The following TSHR variants were observed in gnomAD, a reference collection of about 807,000 sequenced individuals.
The protein encoded by TSHR is thyrotropin receptor.
A neutral mutation model predicts 64.1 loss-of-function variants in TSHR; 51 were observed. That is an observed-to-expected ratio of 0.80 (90% CI 0.64 to 1.01). The LOEUF (loss-of-function observed/expected upper bound fraction) is 1.01. Among genes scored for constraint, TSHR ranks in the 50% least tolerant of loss-of-function variants. The pLI, the probability that TSHR is intolerant of heterozygous loss-of-function variation, is 0.00. For synonymous variants in TSHR, 361 were observed against 361.9 expected, an observed-to-expected ratio of 1.00 and a Z score of 0.03; for missense variants, 877 against 942.8, an observed-to-expected ratio of 0.93 and a Z score of 0.91.
At chr14:81,111,638 C>G (rs1890229192) in intron 8 of TSHR, among the ~76,000 whole-genome samples, 1 of 152,188 alleles carries the variant, frequency 6.6e-6, no homozygotes, top group African/African-American at 2.4e-5. Flanking sequence ...CTCCAACCTA[C>G]TTACACTGTT....
chr14:80,997,925 T>C (rs1889109051), intron 1 of TSHR, among the ~76,000 whole-genome samples: 1 of 152,176 alleles, frequency 6.6e-6, no homozygotes, highest in South Asian at 2.1e-4. Context: ...TGGATGAGAC[T>C]GTTTGTCTGA....
At chr14:81,066,797 A>AT (rs1485773185) in intron 2 of TSHR, among the ~76,000 whole-genome samples, 4 of 152,142 alleles carry the variant, frequency 2.6e-5, no homozygotes, top group Non-Finnish European at 5.9e-5. Context: ...AGGTAGTTTA[A>AT]TTGCATGTCC....
chr14:80,980,015 G>A (rs1302649632), intron 1 of TSHR, among the ~76,000 whole-genome samples: 1 of 152,116 alleles, frequency 6.6e-6, no homozygotes, highest in African/African-American at 2.4e-5. Flanking sequence ...AAGTCCCCGT[G>A]ATCTGGCCCT....
At position 81,144,430 on chromosome 14, in the gene TSHR, A is replaced by C; in HGVS notation, c.*77A>C. 2 of 1,404,464 alleles carry C rather than the reference A, an allele frequency of 1.4e-6. No individual in the cohort carries two copies. The highest frequency in any genetic ancestry group is 2.3e-5 in the South Asian group (2 of 85,280). The allele number at this position is 1,404,464 out of a possible 1,614,324, so 87.0% of individuals were successfully genotyped here. ...CTTGAATATGCATTCCAATCCCATG[A>C]CACCCCCAACACATAGCTGCCCTCA... is the stretch of plus-strand genomic sequence containing the variant. On this transcript the variant is annotated 3_prime_UTR_variant, in exon 10 of 10. Transcript: ENST00000298171.
At chr14:81,057,617 T>C (rs1250799617) in intron 1 of TSHR, among the ~76,000 whole-genome samples, 1 of 152,194 alleles carries the variant, frequency 6.6e-6, no homozygotes, top group Non-Finnish European at 1.5e-5. Context: ...TTCAGTGAAA[T>C]ATACTTGGTA....
Position 81,058,393 on chromosome 14 carries a change from T to G in TSHR, c.171-3755T>G, listed in dbSNP as rs541404936. 2.6e-5 allele frequency among the ~76,000 whole-genome samples: 4 copies of G among 152,344 alleles called. No homozygotes were observed. The South Asian group carries it at 8.3e-4, about 32-fold the overall frequency. Reference sequence around the variant, plus strand: ...AGCTTATATCTTTTCTCTCACATAATTTCTATATCTTGAAGCCAACTTCTT... The same window carrying G: ...AGCTTATATCTTTTCTCTCACATAAGTTCTATATCTTGAAGCCAACTTCTT... On this transcript the variant is annotated intron_variant, in intron 1 of 9. Transcript: ENST00000298171.
chr14:80,974,732 A>C lies in TSHR; in HGVS notation c.170+18882A>C, dbSNP rs557349453. ...GCACTTTATAGAAAGTATGTATTTC[A>C]TGACCAAAAAAATAGGGTGGCTTGG... On this transcript the variant is annotated intron_variant, in intron 1 of 9. Coordinates refer to ENST00000298171, the MANE Select transcript of TSHR (RefSeq NM_000369.5). Among the ~76,000 whole-genome samples the C allele has an allele frequency of 4.6e-5, 7 of 152,306 alleles. No individual in the cohort carries two copies. In the South Asian group the frequency reaches 1.0e-3, roughly 23 times the overall value.
At chr14:81,135,512 C>T (rs1440608635) in intron 8 of TSHR, among the ~76,000 whole-genome samples, 1 of 152,100 alleles carries the variant, frequency 6.6e-6, no homozygotes, top group Non-Finnish European at 1.5e-5. Flanking sequence ...CAGACCTAAA[C>T]TAAGGTGGTA....
At chr14:80,998,045 A>G (rs1889115117) in intron 1 of TSHR, among the ~76,000 whole-genome samples, 1 of 152,250 alleles carries the variant, frequency 6.6e-6, no homozygotes. Flanking sequence ...TTACATCATT[A>G]TGAACCACCC....
chr14:81,019,679 A>G (rs1883631844), intron 1 of TSHR, among the ~76,000 whole-genome samples: 2 of 149,456 alleles, frequency 1.3e-5, no homozygotes, highest in African/African-American at 2.5e-5. Flanking sequence ...CTTATTGTTC[A>G]ACTCCCACTT....
chr14:81,121,160 C>A (rs72691611), intron 8 of TSHR, among the ~76,000 whole-genome samples: 1 of 150,672 alleles, frequency 6.6e-6, no homozygotes, highest in African/African-American at 2.5e-5. Flanking sequence ...AAAAGACCCA[C>A]GGAGAACCCA....
intron 1 of TSHR, among the ~76,000 whole-genome samples, chr14:81,006,571 G>C (rs117917762): frequency 0.12 from 18,165 of 151,900 alleles, 1,386 homozygotes; most frequent in East Asian, 0.38. Flanking sequence ...AGAGCGCAGT[G>C]GTGCAATCTT....
At chr14:81,120,659 G>A (rs1450727840) in intron 8 of TSHR, among the ~76,000 whole-genome samples, 1 of 152,104 alleles carries the variant, frequency 6.6e-6, no homozygotes, top group Non-Finnish European at 1.5e-5. Context: ...GGATTTGGAT[G>A]CCGTTTATTT....
At chr14:81,069,652 G>T (rs1050420782) in intron 3 of TSHR, among the ~76,000 whole-genome samples, 1 of 152,146 alleles carries the variant, frequency 6.6e-6, no homozygotes, top group Non-Finnish European at 1.5e-5. Flanking sequence ...TGCTAAGAAG[G>T]ATTGTTCCTA....
intron 1 of TSHR, among the ~76,000 whole-genome samples, chr14:80,979,836 C>T (rs1031930116): frequency 1.3e-5 from 2 of 152,160 alleles, no homozygotes; most frequent in Non-Finnish European, 2.9e-5. Context: ...GTTCTCACCA[C>T]TAACATTTTT....
In TSHR at chr14:81,142,735, G is replaced by A. The variant is rs1009484271; in HGVS notation, c.882-205G>A. Among the ~76,000 whole-genome samples, 47 of 150,306 alleles carry A rather than the reference G, an allele frequency of 3.1e-4. 1 individual carries two copies. Among genetic ancestry groups the A allele is most frequent in the Admixed American group, 2.7e-3 (41 of 15,006 alleles). On this transcript the variant is annotated intron_variant, in intron 9 of 9. Transcript: ENST00000298171. ...GGTGATTTTCCCACCTCAGCCTCCC[G>A]AGTAGCTACGACCATAGGCACATAC...
intron 1 of TSHR, among the ~76,000 whole-genome samples, chr14:81,054,569 G>A (rs1020794061): frequency 2.0e-5 from 3 of 152,164 alleles, no homozygotes; most frequent in African/African-American, 7.2e-5. Context: ...CAATGACATG[G>A]ACAATGAAAT....
Position 81,145,220 on chromosome 14 carries a change from TGAA to T in TSHR, c.*869_*871del, listed in dbSNP as rs1891883499. 2.1e-5 allele frequency: 5 copies of T among 233,114 alleles called. No homozygotes were observed. The South Asian group carries it at 9.1e-4, about 42-fold the overall frequency. The allele number at this position is 233,114 out of a possible 1,614,324, so 14.4% of individuals were successfully genotyped here. Reference sequence around the variant, plus strand: ...ACTATGGGACTTAAATCTGTAGAAATGAAGGAGTCCAATAGCTTCTTCCAATTT... The same window carrying T: ...ACTATGGGACTTAAATCTGTAGAAATGGAGTCCAATAGCTTCTTCCAATTT... On this transcript the variant is annotated 3_prime_UTR_variant, in exon 10 of 10. Transcript: ENST00000298171.
chr14:81,040,119 C>T (rs1289153803), intron 1 of TSHR, among the ~76,000 whole-genome samples: 3 of 151,896 alleles, frequency 2.0e-5, no homozygotes, highest in African/African-American at 7.2e-5. Flanking sequence ...AAAATAGACA[C>T]ATAGACCAAT....
Sources: gnomAD v4.1 joint callset for allele counts (sites outside exome capture counted in the v4.1 genomes callset) on GRCh38, gnomAD v4.1.1 for gene constraint, MANE v1.5 for transcripts, NCBI Gene and HGNC (gene_info 2026-07-23, HGNC 2026-07-21) for gene names.